SPART: variants seen among roughly 807,000 people sequenced by gnomAD.
SPART encodes the protein spartin.
Under a neutral mutation model 58.7 loss-of-function variants are expected in SPART, and 35 were observed. That is an observed-to-expected ratio of 0.60 (90% confidence interval 0.46 to 0.79). The LOEUF (loss-of-function observed/expected upper bound fraction) is 0.79, where lower values mean the gene tolerates loss of function less well. Ranked by LOEUF, SPART falls within the 30% of genes least tolerant of loss-of-function variation. SPART has a pLI of 0.00. For missense variants in SPART, 730 were observed against 786.1 expected (o/e 0.93, Z 0.85); for synonymous variants, 284 against 280.7 (o/e 1.01, Z -0.12).
chr13:36,312,193 C>T lies in SPART; in HGVS notation c.1685G>A (p.Cys562Tyr). 1.9e-6 allele frequency: 3 copies of T among 1,614,146 alleles called. No homozygotes were observed. The highest frequency in any genetic ancestry group is 2.5e-6 in the Non-Finnish European group (3 of 1,180,014). Reference protein sequence around the residue: ...VWQGLECAAKCIVNNVSAETV... With the variant: ...VWQGLECAAKYIVNNVSAETV... ...TTCTGCTGAAACATTGTTAACGATG[C>T]ATTTAGCTGCACATTCCAATCCTTG... Residue 562 changes from cysteine to tyrosine, a missense_variant, in exon 8 of 9, where the codon TGC (cysteine) becomes TAC (tyrosine). By Grantham distance (194) the Cys-to-Tyr change is radical (BLOSUM62 -2). Transcript: ENST00000438666.
chr13:36,320,438 T>C (rs1249422769), intron 5 of SPART, among the ~76,000 whole-genome samples: 1 of 152,186 alleles, frequency 6.6e-6, no homozygotes, highest in Non-Finnish European at 1.5e-5. Flanking sequence ...TGATGGCAGT[T>C]CCACCAGGCC....
At chr13:36,329,122 A>T (rs1883220919) in intron 4 of SPART, among the ~76,000 whole-genome samples, 1 of 152,050 alleles carries the variant, frequency 6.6e-6, no homozygotes. Flanking sequence ...AATCTCTCAA[A>T]CAGTTGGGAA....
intron 1 of SPART, 101 bp from the exon 2 acceptor site, chr13:36,335,933 T>A: frequency 1.1e-6 from 1 of 934,534 alleles, no homozygotes; most frequent in Non-Finnish European, 1.7e-6. Context: ...AGTGCCTCGC[T>A]TATCTCTGTT....
chr13:36,320,336 C>T (rs1163764636), intron 5 of SPART, among the ~76,000 whole-genome samples: 2 of 152,180 alleles, frequency 1.3e-5, no homozygotes, highest in African/African-American at 4.8e-5. Context: ...ACCTGACCCC[C>T]ATGACTGTAT....
chr13:36,314,505 AAAAT>A (rs1210285111), intron 5 of SPART, 84 bp from the exon 6 acceptor site: 16 of 1,342,484 alleles, frequency 1.2e-5, no homozygotes, highest in Non-Finnish European at 1.7e-5. Context: ...CAACCAGAAA[AAAAT>A]AAAAGGAGTT....
intron 5 of SPART, among the ~76,000 whole-genome samples, chr13:36,324,696 T>G (rs958644747): frequency 6.6e-6 from 1 of 152,200 alleles, no homozygotes; most frequent in East Asian, 1.9e-4. Flanking sequence ...TGCGTGCATG[T>G]GAAGAGACCA....
intron 1 of SPART, among the ~76,000 whole-genome samples, chr13:36,368,002 T>G (rs1328066681): frequency 1.3e-5 from 2 of 152,192 alleles, no homozygotes; most frequent in Non-Finnish European, 2.9e-5. Flanking sequence ...GCAACATGCT[T>G]TAGGGCTAAA....
At chr13:36,351,320 A>AAG (rs1304620156), upstream of SPART, among the ~76,000 whole-genome samples, 1 of 152,018 alleles carries the variant, frequency 6.6e-6, no homozygotes, top group Non-Finnish European at 1.5e-5. Context: ...GAAAAAAAAA[A>AAG]AAAAGTTTGC....
At chr13:36,311,428 T>C (rs1881088428) in intron 8 of SPART, among the ~76,000 whole-genome samples, 1 of 152,050 alleles carries the variant, frequency 6.6e-6, no homozygotes, top group Non-Finnish European at 1.5e-5. Flanking sequence ...GTAATCAGAG[T>C]CAAGTAAGAT....
At chr13:36,337,813 G>A (rs1884166367) in intron 1 of SPART, among the ~76,000 whole-genome samples, 1 of 152,072 alleles carries the variant, frequency 6.6e-6, no homozygotes. Context: ...AGTGATGCTG[G>A]CAATTTTGAT....
chr13:36,368,050 A>G (rs1350233648), intron 1 of SPART: 2 of 255,660 alleles, frequency 7.8e-6, no homozygotes, highest in East Asian at 1.1e-4. Flanking sequence ...GTACATTAAT[A>G]TTAGTAAACC....
chr13:36,302,298 A>C lies in SPART; in HGVS notation c.*2067T>G, dbSNP rs1681032988. 6.6e-6 allele frequency: 1 copy of C among 152,190 alleles called. No individual in the cohort carries two copies. Among genetic ancestry groups the C allele is most frequent in the Non-Finnish European group, 1.5e-5 (1 of 68,030 alleles). 9.4% of individuals were successfully genotyped at this position (152,190 alleles called of 1,614,324 possible). On this transcript the variant is annotated 3_prime_UTR_variant, in exon 9 of 9. Transcript: ENST00000438666. ...TTTAGAAGATGCCTATCTCCTAATG[A>C]GTCAGTGAATGGTGGGAAAAGTCCA...
chr13:36,313,487 T>C (rs985469740), intron 6 of SPART, among the ~76,000 whole-genome samples: 2 of 152,226 alleles, frequency 1.3e-5, no homozygotes, highest in African/African-American at 4.8e-5. Flanking sequence ...GGCCTTCACA[T>C]TCACTCACCA....
At chr13:36,317,682 C>A (rs924942803) in intron 5 of SPART, among the ~76,000 whole-genome samples, 11 of 151,964 alleles carry the variant, frequency 7.2e-5, no homozygotes, top group African/African-American at 2.7e-4. Context: ...TTTCTCTAGG[C>A]TTGCTTCCTT....
intron 3 of SPART, 128 bp from the exon 4 acceptor site, chr13:36,329,645 A>C: frequency 1.0e-6 from 1 of 975,320 alleles, no homozygotes; most frequent in Non-Finnish European, 1.6e-6. Context: ...ATCAGTAACA[A>C]CTACTTTTGC....
chr13:36,339,693 A>C (rs1470878865), intron 1 of SPART, among the ~76,000 whole-genome samples: 3 of 151,572 alleles, frequency 2.0e-5, no homozygotes, highest in East Asian at 1.9e-4. Flanking sequence ...TAGAGAACAG[A>C]GAAAAAATAA....
chr13:36,334,921 TTATC>T (rs1883810365), intron 2 of SPART, 96 bp downstream of exon 2: 1 of 926,206 alleles, frequency 1.1e-6, no homozygotes, highest in East Asian at 2.4e-5. Flanking sequence ...GAATTTGTCG[TTATC>T]TTTTTGCACT....
chr13:36,351,567 A>G (rs1351205294), intron 1 of SPART, among the ~76,000 whole-genome samples: 3 of 152,224 alleles, frequency 2.0e-5, no homozygotes, highest in African/African-American at 7.2e-5. Context: ...CAGTAGTAGT[A>G]TACATAGCAT....
intron 5 of SPART, among the ~76,000 whole-genome samples, chr13:36,319,588 C>T (rs1176104868): frequency 6.6e-6 from 1 of 151,488 alleles, no homozygotes; most frequent in Admixed American, 6.6e-5. Flanking sequence ...GGATCTGCAT[C>T]TTATCAACCA....
Sources: allele counts gnomAD v4.1 joint callset (sites outside exome capture counted in the v4.1 genomes callset), GRCh38; gene constraint gnomAD v4.1.1; transcripts MANE v1.5; gene names NCBI Gene and HGNC (gene_info 2026-07-23, HGNC 2026-07-21).